EYS: variants seen among roughly 807,000 people sequenced by gnomAD.
The protein encoded by EYS is protein eyes shut homolog.
EYS carries 250 observed loss-of-function variants against 282.1 expected under a neutral mutation model. The ratio of observed to expected loss-of-function variants is 0.89; its 90% CI spans 0.80 to 0.98. The LOEUF (loss-of-function observed/expected upper bound fraction) is 0.98. EYS is among the 50% of genes least tolerant of loss of function. EYS has a pLI of 0.00. For synonymous variants in EYS, 1,355 were observed against 1,282.9 expected (o/e 1.06, Z -1.20); for missense variants, 4,016 against 3,709.0 (o/e 1.08, Z -2.15).
chr6:63,923,715 C>T (rs1191264417), intron 35 of EYS, among the ~76,000 whole-genome samples: 4 of 152,142 alleles, frequency 2.6e-5, no homozygotes, highest in African/African-American at 9.7e-5. Context: ...GTTTTTCAAC[C>T]TTTGTCCTCC....
intron 22 of EYS, among the ~76,000 whole-genome samples, chr6:64,679,153 G>T (rs1216977448): frequency 1.3e-5 from 2 of 151,342 alleles, no homozygotes; most frequent in African/African-American, 4.9e-5. Flanking sequence ...ATCTTGTAGA[G>T]ATTTCCCTCT....
chr6:64,911,676 T>A (rs972917690), intron 16 of EYS, among the ~76,000 whole-genome samples: 1 of 152,136 alleles, frequency 6.6e-6, no homozygotes, highest in Non-Finnish European at 1.5e-5. Context: ...CACAATGTGT[T>A]TTTTATATTA....
At chr6:64,209,328 A>C (rs186684019) in intron 31 of EYS, among the ~76,000 whole-genome samples, 167 of 152,234 alleles carry the variant, frequency 1.1e-3, no homozygotes, top group African/African-American at 3.9e-3. Context: ...ATATGATATC[A>C]TACTGGTCAT....
chr6:65,509,905 C>A (rs1358659971), intron 2 of EYS, among the ~76,000 whole-genome samples: 3 of 152,144 alleles, frequency 2.0e-5, no homozygotes, highest in Non-Finnish European at 4.4e-5. Flanking sequence ...CTCCTATCAG[C>A]ATCATTCTGC....
chr6:64,857,152 C>T (rs560724762), intron 19 of EYS, among the ~76,000 whole-genome samples: 5 of 152,052 alleles, frequency 3.3e-5, no homozygotes, highest in Admixed American at 1.3e-4. Context: ...TCCAACAATA[C>T]CATAATAAAG....
At chr6:65,072,051 G>A (rs1013108719) in intron 12 of EYS, among the ~76,000 whole-genome samples, 2 of 151,682 alleles carry the variant, frequency 1.3e-5, no homozygotes, top group Non-Finnish European at 2.9e-5. Context: ...TTCTGTTACA[G>A]TACAAAATGG....
At chr6:64,692,357 C>T (rs1344982797) in intron 22 of EYS, among the ~76,000 whole-genome samples, 1 of 152,068 alleles carries the variant, frequency 6.6e-6, no homozygotes. Flanking sequence ...TAGTTAAATT[C>T]TCAATATAAG....
At chr6:65,311,979 G>T (rs1349936935) in intron 11 of EYS, among the ~76,000 whole-genome samples, 1 of 152,138 alleles carries the variant, frequency 6.6e-6, no homozygotes, top group Non-Finnish European at 1.5e-5. Flanking sequence ...TTTATATTTA[G>T]CTGGATATCA....
At chr6:64,964,226 G>A (rs1415975143) in intron 14 of EYS, among the ~76,000 whole-genome samples, 1 of 152,004 alleles carries the variant, frequency 6.6e-6, no homozygotes, top group Non-Finnish European at 1.5e-5. Flanking sequence ...ATGTATTCAT[G>A]TAAATTATGA....
At chr6:65,513,568 A>G (rs1484932669) in intron 2 of EYS, among the ~76,000 whole-genome samples, 2 of 152,214 alleles carry the variant, frequency 1.3e-5, no homozygotes, top group Non-Finnish European at 2.9e-5. Context: ...CAAATCCAGC[A>G]GCACATCAAA....
chr6:64,648,946 C>T (rs960196819), intron 22 of EYS, among the ~76,000 whole-genome samples: 2 of 152,116 alleles, frequency 1.3e-5, no homozygotes, highest in African/African-American at 4.8e-5. Flanking sequence ...AGGGGTAAGG[C>T]TCTGAATGTC....
At chr6:63,859,111 T>TTTC (rs796999871) in intron 36 of EYS, among the ~76,000 whole-genome samples, 1 of 71,180 alleles carries the variant, frequency 1.4e-5, no homozygotes, top group Non-Finnish European at 2.6e-5. Context: ...TTTTTTTTTT[T>TTTC]AATAGCTGGG....
At chr6:64,796,315 A>C (rs957575754) in intron 22 of EYS, among the ~76,000 whole-genome samples, 3 of 152,154 alleles carry the variant, frequency 2.0e-5, no homozygotes, top group African/African-American at 7.2e-5. Flanking sequence ...TACTGATGAA[A>C]GGGGTTGTAG....
chr6:65,043,252 A>G (rs9453161), intron 13 of EYS, among the ~76,000 whole-genome samples: 5,795 of 151,614 alleles, frequency 0.038, 375 homozygotes, highest in African/African-American at 0.13. Context: ...AAATATACAC[A>G]TGTAGTAAGT....
intron 5 of EYS, 21 bp from the exon 6 acceptor site, chr6:65,405,388 G>A (rs200554236): frequency 3.4e-4 from 506 of 1,485,130 alleles, no homozygotes; most frequent in Admixed American, 1.0e-3. Flanking sequence ...TCACACACAA[G>A]AAAAAAAAAG....
chr6:65,393,353 T>C (rs1171016303), intron 7 of EYS, among the ~76,000 whole-genome samples: 1 of 152,088 alleles, frequency 6.6e-6, no homozygotes, highest in Non-Finnish European at 1.5e-5. Flanking sequence ...AATGTGACTA[T>C]TGATTTCAAG....
intron 39 of EYS, among the ~76,000 whole-genome samples, chr6:63,780,161 G>C (rs1770178359): frequency 1.3e-5 from 2 of 152,106 alleles, no homozygotes; most frequent in Non-Finnish European, 2.9e-5. Flanking sequence ...TGGGCATTTG[G>C]GTTGGTTCCA....
chr6:65,641,300 C>T (rs1562304432), intron 1 of EYS, among the ~76,000 whole-genome samples: 1 of 152,218 alleles, frequency 6.6e-6, no homozygotes, highest in Non-Finnish European at 1.5e-5. Context: ...GTAATATTCA[C>T]CTGCTAGCCC....
At chr6:64,695,202 C>T (rs1010635258) in intron 22 of EYS, among the ~76,000 whole-genome samples, 1 of 152,026 alleles carries the variant, frequency 6.6e-6, no homozygotes, top group Non-Finnish European at 1.5e-5. Context: ...AAACCATAGC[C>T]TGGGACACTC....
Sources: allele counts gnomAD v4.1 joint callset (sites outside exome capture counted in the v4.1 genomes callset), GRCh38; gene constraint gnomAD v4.1.1; transcripts MANE v1.5; gene names NCBI Gene and HGNC (gene_info 2026-07-23, HGNC 2026-07-21).